Variants in PRRC1 observed in about 807,000 individuals in gnomAD.
The protein encoded by PRRC1 is protein PRRC1.
Under a neutral mutation model 40.7 loss-of-function variants are expected in PRRC1, and 39 were observed. The observed-to-expected ratio is 0.96, with a 90% CI of 0.74 to 1.25. The LOEUF is 1.25. Ranked by LOEUF, PRRC1 falls within the 50% of genes most tolerant of loss-of-function variation. PRRC1 has a pLI of 0.00. For missense variants in PRRC1, 573 were observed against 548.3 expected (o/e 1.05, Z -0.45); for synonymous variants, 175 against 193.3 (o/e 0.91, Z 0.79).
Position 127,535,909 on chromosome 5 carries a change from AGTTGT to A in PRRC1, c.921+2124_921+2128del, listed in dbSNP as rs146389986. Among the ~76,000 whole-genome samples, 977 of 152,244 alleles carry A rather than the reference AGTTGT, an allele frequency of 6.4e-3. 9 individuals carry two copies. Among genetic ancestry groups the A allele is most frequent in the Non-Finnish European group, 0.012 (789 of 67,994 alleles). The stretch of plus-strand genomic sequence containing the variant: ...CTACATAAGTTTGAGGTGTTCTTTG[AGTTGT>A]ATTTAGTACTTTATTTAAATAGAAT... On this transcript the variant is annotated intron_variant, in intron 6 of 8. Transcript: ENST00000296666.
chr5:127,551,828 C>T lies in PRRC1; in HGVS notation c.1250C>T (p.Thr417Ile), dbSNP rs758559077. The part of the protein sequence containing the change: ...VSRTDWHMAF[T>I]GMSRRQMIYS... ...CGGACTGATTGGCACATGGCATTTA[C>T]TGGGATGTCCCGTCGGCAGATGATC... Residue 417 changes from threonine (T) to isoleucine (I), a missense_variant, in exon 9 of 9, where the codon ACT becomes ATT. By Grantham distance (89) the Thr-to-Ile change is moderately conservative. Coordinates refer to ENST00000296666, the MANE Select transcript of PRRC1 (RefSeq NM_130809.5). 1.9e-6 allele frequency: 3 copies of T among 1,613,974 alleles called. No homozygotes were observed. Among genetic ancestry groups the T allele is most frequent in the Non-Finnish European group, 2.5e-6 (3 of 1,180,004 alleles).
chr5:127,539,103 G>T lies in PRRC1; in HGVS notation c.985G>T (p.Val329Leu). 6.2e-7 allele frequency: 1 copy of T among 1,612,990 alleles called. No individual in the cohort carries two copies. The highest frequency in any genetic ancestry group is 8.5e-7 in the Non-Finnish European group (1 of 1,179,078). The change falls in exon 7 of 9, where the codon GTG becomes TTG. Residue 329 changes from valine to leucine, a missense_variant. Transcript: ENST00000296666. Reference protein sequence around the residue: ...TGVIHEKQTAVSVENFIAELL... With the variant: ...TGVIHEKQTALSVENFIAELL... ...GGTGATCCATGAAAAACAGACAGCT[G>T]TGTCAGTAGAAAACTTCATTGCAGA...
At chr5:127,537,753 T>G (rs995210842) in intron 6 of PRRC1, among the ~76,000 whole-genome samples, 3 of 151,944 alleles carry the variant, frequency 2.0e-5, no homozygotes, top group African/African-American at 7.2e-5. Flanking sequence ...AATGAATGTT[T>G]ACTTAAGCTT....
chr5:127,535,956 T>A (rs1297611877), intron 6 of PRRC1, among the ~76,000 whole-genome samples: 2 of 152,148 alleles, frequency 1.3e-5, no homozygotes, highest in Non-Finnish European at 2.9e-5. Context: ...CCCTTTTCTT[T>A]TACACATATG....
chr5:127,551,959 G>A lies in PRRC1; in HGVS notation c.*43G>A, dbSNP rs773053952. On this transcript the variant is annotated 3_prime_UTR_variant, in exon 9 of 9. Transcript: ENST00000296666. ...AGACTGAGACTTTCCCCCACTTTTAGCTTGATGTTAAAGAAGTGGTTGTAC... is the reference window on the plus strand; with the variant it reads ...AGACTGAGACTTTCCCCCACTTTTAACTTGATGTTAAAGAAGTGGTTGTAC... 6.2e-7 allele frequency: 1 copy of A among 1,610,886 alleles called. No individual in the cohort carries two copies. Among genetic ancestry groups the A allele is most frequent in the Non-Finnish European group, 8.5e-7 (1 of 1,178,106 alleles).
intron 5 of PRRC1, among the ~76,000 whole-genome samples, chr5:127,531,320 T>C (rs1767764732): frequency 6.6e-6 from 1 of 152,220 alleles, no homozygotes; most frequent in Non-Finnish European, 1.5e-5. Flanking sequence ...GAACTCATGC[T>C]CAATTTTTTT....
rs1239956845 is a variant in PRRC1 at position 127,524,878 on chromosome 5, C to G, written c.451C>G (p.Gln151Glu). 5.6e-6 allele frequency: 9 copies of G among 1,613,570 alleles called. No homozygotes were observed. The highest frequency in any genetic ancestry group is 5.9e-6 in the Non-Finnish European group (7 of 1,179,774). The change falls in exon 3 of 9, where the codon CAG becomes GAG. Residue 151 changes from glutamine to glutamate, a missense_variant. Coordinates refer to ENST00000296666, the MANE Select transcript of PRRC1 (RefSeq NM_130809.5). Reference protein sequence around the residue: ...ITRGHAGRAPQTPLMPSFSAP... With the variant: ...ITRGHAGRAPETPLMPSFSAP... ...AAGGGGACATGCTGGGAGAGCTCCC[C>G]AGACACCCCTGATGCCATCATTTTC...
chr5:127,529,357 A>T (rs987911428), intron 4 of PRRC1, among the ~76,000 whole-genome samples: 7 of 152,096 alleles, frequency 4.6e-5, no homozygotes, highest in Admixed American at 6.6e-5. Flanking sequence ...ACTTTTTTAA[A>T]AAGTTTTTTT....
intron 4 of PRRC1, among the ~76,000 whole-genome samples, chr5:127,528,987 C>T (rs1020612378): frequency 6.6e-6 from 1 of 152,074 alleles, no homozygotes; most frequent in Non-Finnish European, 1.5e-5. Flanking sequence ...ATTGTACTAA[C>T]GTGTACTGAG....
chr5:127,524,543 C>A lies in PRRC1; in HGVS notation c.116C>A (p.Ser39Tyr), dbSNP rs1381689182. 13 of 1,598,474 alleles carry A rather than the reference C, an allele frequency of 8.1e-6. No individual in the cohort carries two copies. Among genetic ancestry groups the A allele is most frequent in the Non-Finnish European group, 1.1e-5 (13 of 1,170,670 alleles). ...STPVPLAATSSFSSPNVSSME... is the reference protein window; with the variant it reads ...STPVPLAATSYFSSPNVSSME... ...CACTTTTTTCTAGCGGCAACCAGTT[C>A]TTTTTCTTCTCCAAATGTATCCTCC... is the stretch of plus-strand genomic sequence containing the variant. The change falls in exon 3 of 9, where the codon TCT becomes TAT. Residue 39 changes from serine to tyrosine, a missense_variant. Coordinates refer to ENST00000296666, the MANE Select transcript of PRRC1 (RefSeq NM_130809.5).
At chr5:127,545,704 C>T (rs1296239223) in intron 7 of PRRC1, among the ~76,000 whole-genome samples, 4 of 151,262 alleles carry the variant, frequency 2.6e-5, no homozygotes, top group Non-Finnish European at 4.4e-5. Flanking sequence ...GGGTGCAGCA[C>T]ACCAGTATGG....
At chr5:127,518,160 C>G (rs1038661893) in intron 1 of PRRC1, among the ~76,000 whole-genome samples, 13 of 152,208 alleles carry the variant, frequency 8.5e-5, no homozygotes, top group Admixed American at 4.6e-4. Flanking sequence ...GGACCTTAGC[C>G]CGGCCCTGTC....
chr5:127,518,589 A>G (rs1767377912), intron 1 of PRRC1, among the ~76,000 whole-genome samples: 1 of 152,220 alleles, frequency 6.6e-6, no homozygotes, highest in African/African-American at 2.4e-5. Context: ...TCGGGGTCAG[A>G]TTAGGCTCTA....
rs923311352 is a variant in PRRC1 at position 127,517,795 on chromosome 5, C to T, written c.-21+19C>T. 6 of 152,642 alleles carry T rather than the reference C, an allele frequency of 3.9e-5. No individual in the cohort carries two copies. Among genetic ancestry groups the T allele is most frequent in the African/African-American group, 1.4e-4 (6 of 41,450 alleles). 9.5% of individuals were successfully genotyped at this position (152,642 alleles called of 1,614,324 possible). A position where few individuals can be genotyped will look rare whatever the true frequency, so the allele number is the denominator to read the frequency against. ...TCCCCAGGTGAGCGCCAGGTGGCTC[C>T]GAGGGGCGTGTATGAGGGGGGTGGC... is the stretch of plus-strand genomic sequence containing the variant. On this transcript the variant is annotated intron_variant, in intron 1 of 8. Coordinates refer to ENST00000296666, the MANE Select transcript of PRRC1 (RefSeq NM_130809.5).
intron 3 of PRRC1, among the ~76,000 whole-genome samples, chr5:127,526,353 T>G (rs1357879508): frequency 6.6e-6 from 1 of 152,228 alleles, no homozygotes; most frequent in East Asian, 1.9e-4. Flanking sequence ...ATCCAAGTGC[T>G]GAATAGGACA....
At chr5:127,533,412 A>G (rs1040220234) in intron 5 of PRRC1, among the ~76,000 whole-genome samples, 3 of 152,088 alleles carry the variant, frequency 2.0e-5, no homozygotes, top group Non-Finnish European at 4.4e-5. Context: ...TTGAGTCCTG[A>G]CATTAGTGCT....
chr5:127,522,892 T>A (rs1435692984), intron 1 of PRRC1, among the ~76,000 whole-genome samples: 2 of 152,116 alleles, frequency 1.3e-5, no homozygotes, highest in Non-Finnish European at 2.9e-5. Flanking sequence ...CATCACAGCC[T>A]CCCAAAGTCC....
In PRRC1 at chr5:127,526,657, C is replaced by T. The variant is rs751118943; in HGVS notation, c.533C>T (p.Thr178Ile). 4 of 1,613,142 alleles carry T rather than the reference C, an allele frequency of 2.5e-6. No individual in the cohort carries two copies. Among genetic ancestry groups the T allele is most frequent in the East Asian group, 4.5e-5 (2 of 44,838 alleles). The change falls in exon 4 of 9, where the codon ACA becomes ATA. Residue 178 changes from threonine (T) to isoleucine (I), a missense_variant. Thr to Ile is a moderately conservative substitution (Grantham distance 89, BLOSUM62 -1). Coordinates refer to ENST00000296666, the MANE Select transcript of PRRC1 (RefSeq NM_130809.5). ...PTPITQQASL[T>I]SLAQGTGTTS... is the part of the protein sequence containing the mutation. ...CCTATTACTCAGCAAGCCAGTTTGACATCTCTGGCACAGGGAACTGGAACC... is the reference window on the plus strand; with the variant it reads ...CCTATTACTCAGCAAGCCAGTTTGATATCTCTGGCACAGGGAACTGGAACC...
At chr5:127,533,600 A>T in intron 5 of PRRC1, 23 bp from the exon 6 acceptor site, 1 of 1,596,616 alleles carries the variant, frequency 6.3e-7, no homozygotes, top group Non-Finnish European at 8.5e-7. Context: ...TTTGAAAGTT[A>T]AATTTTCCTC....
Sources: gnomAD v4.1 joint callset for allele counts (sites outside exome capture counted in the v4.1 genomes callset) on GRCh38, gnomAD v4.1.1 for gene constraint, MANE v1.5 for transcripts, NCBI Gene and HGNC (gene_info 2026-07-23, HGNC 2026-07-21) for gene names.